The following CACNA1A variants were observed in gnomAD, a reference collection of about 807,000 sequenced individuals.
CACNA1A encodes the protein calcium voltage-gated channel subunit alpha1 A, also known as voltage-dependent P/Q-type calcium channel subunit alpha-1A.
In CACNA1A, 57 loss-of-function variants were observed where a neutral mutation model predicts 262.4. The ratio of observed to expected loss-of-function variants is 0.22; its 90% CI spans 0.18 to 0.27. The LOEUF (loss-of-function observed/expected upper bound fraction) is 0.27. Ranked by LOEUF, CACNA1A falls within the 10% of genes least tolerant of loss-of-function variation. The pLI, the probability that CACNA1A is intolerant of heterozygous loss-of-function variation, is 1.00. For synonymous variants in CACNA1A, 1,431 were observed against 1,419.3 expected (o/e 1.01, Z -0.18); for missense variants, 2,526 against 3,562.8 (o/e 0.71, Z 7.41).
chr19:13,371,440 G>A, intron 4 of CACNA1A: 1 of 497,808 alleles, frequency 2.0e-6, no homozygotes, highest in Non-Finnish European at 3.6e-6. Context: ...CACACGTGGT[G>A]CTTAGCATGG....
chr19:13,364,246 C>CT (rs78886801), intron 5 of CACNA1A: 17,209 of 152,388 alleles, frequency 0.11, 1,804 homozygotes, highest in African/African-American at 0.27. Flanking sequence ...ACCAGGAGGA[C>CT]TCATCCAGTA....
At chr19:13,289,311 TTTTAA>T (rs972165786) in intron 19 of CACNA1A, among the ~76,000 whole-genome samples, 113 of 152,052 alleles carry the variant, frequency 7.4e-4, no homozygotes, top group African/African-American at 2.7e-3. Flanking sequence ...CTGGCTAACT[TTTTAA>T]TTTTTCTTTT....
At chr19:13,440,413 C>A (rs2060696615) in intron 3 of CACNA1A, among the ~76,000 whole-genome samples, 1 of 152,204 alleles carries the variant, frequency 6.6e-6, no homozygotes, top group Non-Finnish European at 1.5e-5. Context: ...AAAGGGAGGT[C>A]AGATATTGGG....
chr19:13,366,349 A>T (rs1430951643), intron 4 of CACNA1A: 2 of 152,188 alleles, frequency 1.3e-5, no homozygotes, highest in Non-Finnish European at 2.9e-5. Flanking sequence ...GCATGCCTGT[A>T]GTCCTAGCTA....
In CACNA1A at chr19:13,283,331, A is replaced by G; in HGVS notation, c.3758T>C (p.Ile1253Thr). 1 of 1,614,012 alleles carries G rather than the reference A, an allele frequency of 6.2e-7. No individual in the cohort carries two copies. The highest frequency in any genetic ancestry group is 8.5e-7 in the Non-Finnish European group (1 of 1,179,874). The part of the protein sequence containing the change: ...RYFEMCILMV[I>T]AMSSIALAAE... The stretch of plus-strand genomic sequence containing the variant: ...GGCCAGGGCGATGCTGCTCATGGCA[A>G]TGACCATGAGGATGCACATCTCAAA... The change falls in exon 22 of 47, where the codon ATT (isoleucine) becomes ACT (threonine). Residue 1253 changes from isoleucine (I) to threonine (T), a missense_variant. By Grantham distance (89) the Ile-to-Thr change is moderately conservative. Transcript: ENST00000360228.
chr19:13,304,080 C>T (rs577282725), intron 15 of CACNA1A, among the ~76,000 whole-genome samples, 196 bp from the exon 16 acceptor site: 9 of 152,182 alleles, frequency 5.9e-5, no homozygotes, highest in East Asian at 5.8e-4. Context: ...TAGAAAGGGC[C>T]GTTCCTGCGT....
Position 13,482,848 on chromosome 19 carries a change from T to TTGTGTGTGTGTG in CACNA1A, c.293+23072_293+23083dup, listed in dbSNP as rs34754803. On this transcript the variant is annotated intron_variant, in intron 1 of 46. Coordinates refer to ENST00000360228, the MANE Select transcript of CACNA1A (RefSeq NM_001127222.2). Reference sequence around the variant, plus strand: ...TCTCTCCCCCCTTCTTTCTCTCAACTTGTGTGTGTGTGTGTGTGTGTGTGT... The same window carrying TTGTGTGTGTGTG: ...TCTCTCCCCCCTTCTTTCTCTCAACTTGTGTGTGTGTGTGTGTGTGTGTGTGTGTGTGTGTGT... 5.2e-4 allele frequency among the ~76,000 whole-genome samples: 69 copies of TTGTGTGTGTGTG among 133,920 alleles called. 1 individual carries two copies. The highest frequency in any genetic ancestry group is 4.7e-4 in the Non-Finnish European group (29 of 62,104). The allele number at this position is 133,920 out of a possible 152,430, so 87.9% of individuals were successfully genotyped here. A position where few individuals can be genotyped will look rare whatever the true frequency, so the allele number is the denominator to read the frequency against.
intron 10 of CACNA1A, among the ~76,000 whole-genome samples, chr19:13,321,470 C>T (rs992988429): frequency 1.4e-4 from 21 of 152,206 alleles, no homozygotes; most frequent in African/African-American, 2.4e-4. Flanking sequence ...ATGAGGGAGA[C>T]GTGTTCTGAG....
At chr19:13,450,962 C>T (rs752822768) in intron 3 of CACNA1A, 3 of 152,230 alleles carry the variant, frequency 2.0e-5, no homozygotes, top group Non-Finnish European at 4.4e-5. Context: ...CCCTGCCCAG[C>T]TTTACATTTT....
At chr19:13,502,039 T>G (rs1228876103) in intron 1 of CACNA1A, among the ~76,000 whole-genome samples, 1 of 152,066 alleles carries the variant, frequency 6.6e-6, no homozygotes, top group Non-Finnish European at 1.5e-5. Flanking sequence ...CATCCTGCCC[T>G]CTACGGCAGT....
chr19:13,210,377 C>T (rs1275814281), intron 44 of CACNA1A, among the ~76,000 whole-genome samples: 2 of 151,946 alleles, frequency 1.3e-5, no homozygotes, highest in Non-Finnish European at 2.9e-5. Context: ...CGTGGGGGGC[C>T]CTGAAGAAAA....
chr19:13,393,102 A>G (rs1230239747), intron 3 of CACNA1A, among the ~76,000 whole-genome samples: 1 of 152,128 alleles, frequency 6.6e-6, no homozygotes, highest in Non-Finnish European at 1.5e-5. Flanking sequence ...AGCTAAACCA[A>G]TTCCTCCCTC....
chr19:13,450,115 TG>T (rs1219344257), intron 3 of CACNA1A, among the ~76,000 whole-genome samples: 1 of 117,930 alleles, frequency 8.5e-6, no homozygotes, highest in African/African-American at 3.4e-5. Context: ...CACTCCAGCC[TG>T]GGTGACAGAG....
intron 6 of CACNA1A, among the ~76,000 whole-genome samples, chr19:13,349,073 C>T (rs77992514): frequency 0.017 from 2,472 of 149,204 alleles, 29 homozygotes; most frequent in Non-Finnish European, 0.022. Flanking sequence ...CAGAGAGAGA[C>T]GGATGAAGGG....
At chr19:13,402,779 CATATATATACATATATACACACAT>C (rs1277482313) in intron 3 of CACNA1A, among the ~76,000 whole-genome samples, 7 of 124,456 alleles carry the variant, frequency 5.6e-5, no homozygotes, top group Non-Finnish European at 9.4e-5. Context: ...CATATATATA[CATATATATACATATATACACACAT>C]ATATATATAC....
chr19:13,470,742 G>A (rs2061333758), intron 1 of CACNA1A, among the ~76,000 whole-genome samples: 1 of 152,134 alleles, frequency 6.6e-6, no homozygotes, highest in Non-Finnish European at 1.5e-5. Context: ...GGTTGGCTTG[G>A]CCAACGGGAG....
At chr19:13,371,800 T>C (rs1165318630) in intron 3 of CACNA1A, 21 bp from the exon 4 acceptor site, 1 of 1,537,808 alleles carries the variant, frequency 6.5e-7, no homozygotes, top group Admixed American at 1.9e-5. Flanking sequence ...GAAGCCAGAA[T>C]GGAGAACAGA....
chr19:13,407,148 A>G (rs1037912795), intron 3 of CACNA1A, among the ~76,000 whole-genome samples: 4 of 152,212 alleles, frequency 2.6e-5, no homozygotes, highest in African/African-American at 4.8e-5. Context: ...GACTAGAAGA[A>G]TGCCTGACAC....
At chr19:13,321,426 A>T (rs2145072397) in intron 10 of CACNA1A, among the ~76,000 whole-genome samples, 1 of 152,290 alleles carries the variant, frequency 6.6e-6, no homozygotes, top group South Asian at 2.1e-4. Flanking sequence ...GCTTAAAATT[A>T]TATGTAAATT....
Sources: gnomAD v4.1 joint callset for allele counts (sites outside exome capture counted in the v4.1 genomes callset) on GRCh38, gnomAD v4.1.1 for gene constraint, MANE v1.5 for transcripts, NCBI Gene and HGNC (gene_info 2026-07-23, HGNC 2026-07-21) for gene names.